HIP1: variants seen among roughly 807,000 people sequenced by gnomAD.
HIP1 encodes the protein huntingtin interacting protein 1, also known as huntingtin-interacting protein 1.
In HIP1, 65 loss-of-function variants were observed where a neutral mutation model predicts 147.6. The observed-to-expected ratio is 0.44, with a 90% CI of 0.36 to 0.54. The LOEUF is 0.54. Among genes scored for constraint, HIP1 ranks in the 20% least tolerant of loss-of-function variants. HIP1 has a pLI of 0.00. For synonymous variants in HIP1, 479 were observed against 504.0 expected, an observed-to-expected ratio of 0.95 and a Z score of 0.67; for missense variants, 1,061 against 1,299.6, an observed-to-expected ratio of 0.82 and a Z score of 2.82.
At position 75,649,693 on chromosome 7, in the gene HIP1, A is replaced by C. The variant is rs372064594; in HGVS notation, c.121-50446T>G. Among the ~76,000 whole-genome samples the C allele has an allele frequency of 2.0e-4, 30 of 152,222 alleles. No individual in the cohort carries two copies. The East Asian group carries it at 4.4e-3, about 23-fold the overall frequency. The stretch of plus-strand genomic sequence containing the variant: ...GTGATGTGTAGCCAAGACTATGAAC[A>C]ACTGAACAACCACAGCCAGGACTCA... On this transcript the variant is annotated intron_variant, in intron 1 of 30. Coordinates refer to ENST00000336926, the MANE Select transcript of HIP1 (RefSeq NM_005338.7).
intron 1 of HIP1, among the ~76,000 whole-genome samples, chr7:75,680,697 C>T (rs1200547380): frequency 1.3e-5 from 2 of 152,076 alleles, no homozygotes; most frequent in African/African-American, 4.8e-5. Flanking sequence ...GCAACCTCCG[C>T]CTCCCGGGTT....
In HIP1 at chr7:75,675,992, A is replaced by G. The variant is rs377427117; in HGVS notation, c.120+62809T>C. ...ATGGCTTTTTCCCCCTAAGGATCAT[A>G]TTTTTTGCTTTCTTTGCATGTTTCA... On this transcript the variant is annotated intron_variant, in intron 1 of 30. Transcript: ENST00000336926. Among the ~76,000 whole-genome samples, 14 of 152,092 alleles carry G rather than the reference A, an allele frequency of 9.2e-5. No individual in the cohort carries two copies. In the South Asian group the frequency reaches 1.5e-3, roughly 16 times the overall value.
intron 1 of HIP1, among the ~76,000 whole-genome samples, chr7:75,622,849 T>TTAACTATC (rs1355504681): frequency 2.0e-4 from 30 of 146,350 alleles, no homozygotes; most frequent in African/African-American, 6.6e-4. Context: ...AAATAAATAA[T>TTAACTATC]TATCTATCTA....
At chr7:75,675,381 A>T (rs542933801) in intron 1 of HIP1, among the ~76,000 whole-genome samples, 6 of 151,982 alleles carry the variant, frequency 3.9e-5, no homozygotes, top group Non-Finnish European at 8.8e-5. Context: ...TTGTATTTTT[A>T]GTAGACATAG....
chr7:75,588,249 G>T (rs1462917801), intron 4 of HIP1, among the ~76,000 whole-genome samples: 1 of 152,116 alleles, frequency 6.6e-6, no homozygotes, highest in Non-Finnish European at 1.5e-5. Flanking sequence ...AGACTTCAAA[G>T]AATTCTCCAC....
intron 1 of HIP1, among the ~76,000 whole-genome samples, chr7:75,722,185 G>A (rs1224714065): frequency 3.9e-5 from 6 of 152,062 alleles, no homozygotes; most frequent in Non-Finnish European, 4.4e-5. Context: ...TGGTGTGCAT[G>A]TGTAGTCCCA....
chr7:75,547,594 G>A (rs1229819402), intron 24 of HIP1, among the ~76,000 whole-genome samples, 161 bp downstream of exon 24: 2 of 152,034 alleles, frequency 1.3e-5, no homozygotes, highest in African/African-American at 4.8e-5. Flanking sequence ...CAGCAATATT[G>A]CTGTCATCAT....
chr7:75,661,441 C>T (rs940670401), intron 1 of HIP1, among the ~76,000 whole-genome samples: 2 of 151,310 alleles, frequency 1.3e-5, no homozygotes, highest in Admixed American at 6.6e-5. Context: ...GGCGTGGTGG[C>T]GCACACCTGT....
chr7:75,629,669 A>G (rs999335729), intron 1 of HIP1, among the ~76,000 whole-genome samples: 1 of 151,744 alleles, frequency 6.6e-6, no homozygotes, highest in African/African-American at 2.4e-5. Flanking sequence ...CAGCCTCCTG[A>G]ATAGCTGGGA....
At chr7:75,584,575 T>C (rs782244799) in intron 5 of HIP1, among the ~76,000 whole-genome samples, 3 of 152,022 alleles carry the variant, frequency 2.0e-5, no homozygotes, top group Non-Finnish European at 4.4e-5. Flanking sequence ...CACGTGACCA[T>C]TCCCTTCTGC....
chr7:75,611,602 C>T, intron 1 of HIP1: 1 of 904,554 alleles, frequency 1.1e-6, no homozygotes, highest in Non-Finnish European at 1.3e-6. Flanking sequence ...CGCCCCGCCA[C>T]AGGCCAATGC....
At chr7:75,736,077 A>C (rs1266720430) in intron 1 of HIP1, among the ~76,000 whole-genome samples, 1 of 152,034 alleles carries the variant, frequency 6.6e-6, no homozygotes, top group Admixed American at 6.6e-5. Flanking sequence ...AAAAAAAAAA[A>C]AGTTAAAAAT....
At position 75,738,783 on chromosome 7, in the gene HIP1, G is replaced by A. The variant is rs781940306; in HGVS notation, c.120+18C>T. 6 of 1,598,002 alleles carry A rather than the reference G, an allele frequency of 3.8e-6. No homozygotes were observed. The East Asian group carries it at 1.4e-4, about 37-fold the overall frequency. ...CCTCAGGGTGCCCCAGGGATGCCCC[G>A]GGGTCCCCCGTCCTCACCTGAGTCC... On this transcript the variant is annotated intron_variant, in intron 1 of 30. Transcript: ENST00000336926.
At position 75,719,085 on chromosome 7, in the gene HIP1, A is replaced by G. The variant is rs563061432; in HGVS notation, c.120+19716T>C. Among the ~76,000 whole-genome samples, 150 of 152,236 alleles carry G rather than the reference A, an allele frequency of 9.9e-4. 2 individuals carry two copies. The highest frequency in any genetic ancestry group is 3.4e-3 in the African/African-American group (141 of 41,572). On this transcript the variant is annotated intron_variant, in intron 1 of 30. Coordinates refer to ENST00000336926, the MANE Select transcript of HIP1 (RefSeq NM_005338.7). The stretch of plus-strand genomic sequence containing the variant: ...GGAATCTCAGCACTTTGGGAGGCCG[A>G]GGTGGGAGGATCGCTTGAGCCCAGG...
intron 2 of HIP1, among the ~76,000 whole-genome samples, chr7:75,595,711 C>A (rs1796717895): frequency 6.6e-6 from 1 of 151,948 alleles, no homozygotes; most frequent in Non-Finnish European, 1.5e-5. Flanking sequence ...CACATATAAG[C>A]ATTTTTATGC....
intron 2 of HIP1, among the ~76,000 whole-genome samples, chr7:75,595,235 TCTTTCTTTCTTTCTTTCTTCCTTC>T (rs1246375500): frequency 1.9e-4 from 21 of 109,456 alleles, no homozygotes; most frequent in South Asian, 3.2e-4. Context: ...TTTCTTTCTT[TCTTTCTTTCTTTCTTTCTTCCTTC>T]CTTCCTTCCT....
intron 1 of HIP1, among the ~76,000 whole-genome samples, chr7:75,718,767 C>T (rs975398131): frequency 1.3e-5 from 2 of 152,160 alleles, no homozygotes; most frequent in Non-Finnish European, 2.9e-5. Flanking sequence ...GCTCCAAGCA[C>T]GCAGTTCTCC....
chr7:75,557,512 T>C (rs587673461), intron 16 of HIP1, 142 bp downstream of exon 16: 2 of 713,706 alleles, frequency 2.8e-6, no homozygotes, highest in East Asian at 2.5e-5. Flanking sequence ...TTTGCTGTTC[T>C]GTGTGGCCAC....
At position 75,592,121 on chromosome 7, in the gene HIP1, G is replaced by A. The variant is rs782303813; in HGVS notation, c.328-9C>T. 1 of 1,611,232 alleles carries A rather than the reference G, an allele frequency of 6.2e-7. No individual in the cohort carries two copies. ...AGAGAGTCCTTCAGGACCTGCAGGG[G>A]CAAAAGAACAGCCTGTGAGAGAATG... On this transcript the variant is annotated splice_polypyrimidine_tract_variant and intron_variant, in intron 3 of 30. Transcript: ENST00000336926.
Sources: allele counts gnomAD v4.1 joint callset (sites outside exome capture counted in the v4.1 genomes callset), GRCh38; gene constraint gnomAD v4.1.1; transcripts MANE v1.5; gene names NCBI Gene and HGNC (gene_info 2026-07-23, HGNC 2026-07-21).